Variants in CSRNP3 observed in about 807,000 individuals in gnomAD.
The protein encoded by CSRNP3 is cysteine and serine rich nuclear protein 3, also known as cysteine/serine-rich nuclear protein 3.
CSRNP3 carries 12 observed loss-of-function variants against 48.0 expected under a neutral mutation model. The ratio of observed to expected loss-of-function variants is 0.25; its 90% CI spans 0.16 to 0.41. CSRNP3 has a LOEUF of 0.41. Ranked by LOEUF, CSRNP3 falls within the 10% of genes least tolerant of loss-of-function variation. CSRNP3 has a pLI of 1.00. For synonymous variants in CSRNP3, 263 were observed against 269.7 expected, an observed-to-expected ratio of 0.98 and a Z score of 0.24; for missense variants, 580 against 724.4, an observed-to-expected ratio of 0.80 and a Z score of 2.29.
At position 165,657,797 on chromosome 2, in the gene CSRNP3, C is replaced by T. The variant is rs1317548992; in HGVS notation, c.185C>T (p.Thr62Ile). 2 of 1,614,004 alleles carry T rather than the reference C, an allele frequency of 1.2e-6. No individual in the cohort carries two copies. Among genetic ancestry groups the T allele is most frequent in the East Asian group, 4.5e-5 (2 of 44,850 alleles). Residue 62 changes from threonine (T) to isoleucine (I), a missense_variant, in exon 5 of 7, where the codon ACA (threonine) becomes ATA (isoleucine). This residue lies in a region of CSRNP3 where 83 missense variants were observed against 139.6 expected (regional missense o/e 0.59). Transcript: ENST00000651982. ...SILKREKRLR[T>I]KNVHFSCVTV... ...CTCAAAAGGGAGAAACGACTGAGGACAAAGAATGTACATTTTAGTTGTGTC... is the reference window on the plus strand; with the variant it reads ...CTCAAAAGGGAGAAACGACTGAGGATAAAGAATGTACATTTTAGTTGTGTC...
chr2:165,476,077 C>T (rs1053752261), intron 1 of CSRNP3, among the ~76,000 whole-genome samples: 8 of 152,098 alleles, frequency 5.3e-5, no homozygotes, highest in African/African-American at 1.9e-4. Context: ...ATATATTTAA[C>T]CAATCTGAGT....
At chr2:165,495,143 T>A (rs1397946628) in intron 2 of CSRNP3, among the ~76,000 whole-genome samples, 1 of 151,882 alleles carries the variant, frequency 6.6e-6, no homozygotes, top group Non-Finnish European at 1.5e-5. Flanking sequence ...CAGAAATGAG[T>A]CCAATCGGAG....
At chr2:165,649,776 A>C (rs1686874907) in intron 4 of CSRNP3, among the ~76,000 whole-genome samples, 1 of 152,328 alleles carries the variant, frequency 6.6e-6, no homozygotes, top group South Asian at 2.1e-4. Flanking sequence ...AAAAGGAAAA[A>C]AATAAGACCC....
intron 3 of CSRNP3, among the ~76,000 whole-genome samples, chr2:165,548,932 T>A (rs1263699347): frequency 2.6e-5 from 4 of 151,956 alleles, no homozygotes. Context: ...ATAAAAAGAA[T>A]TAACAATTAA....
chr2:165,485,093 G>T (rs1307793552), intron 1 of CSRNP3, among the ~76,000 whole-genome samples: 1 of 152,102 alleles, frequency 6.6e-6, no homozygotes. Context: ...ATTTCTCACA[G>T]TTCTGGAGGG....
In CSRNP3 at chr2:165,667,049, A is replaced by AAAG. The variant is rs1558968309; in HGVS notation, c.408+9029_408+9030insAAG. On this transcript the variant is annotated intron_variant, in intron 5 of 6. Transcript: ENST00000651982. The stretch of plus-strand genomic sequence containing the variant: ...GAGAGAGGAAGAAAGAAAGAGAGAG[A>AAAG]GAAAGGAAGGAAGGAAGGAAAGAGA... Among the ~76,000 whole-genome samples the AAAG allele has an allele frequency of 2.3e-3, 19 of 8,444 alleles. 5 individuals are homozygous for AAAG. The highest frequency in any genetic ancestry group is 6.8e-3 in the African/African-American group (19 of 2,806). The allele number at this position is 8,444 out of a possible 152,430, so 5.5% of individuals were successfully genotyped here. A position where few individuals can be genotyped will look rare whatever the true frequency, so the allele number is the denominator to read the frequency against.
At chr2:165,523,537 G>C (rs1370265423) in intron 3 of CSRNP3, among the ~76,000 whole-genome samples, 1 of 152,094 alleles carries the variant, frequency 6.6e-6, no homozygotes, top group Non-Finnish European at 1.5e-5. Flanking sequence ...CTTTCTAAAG[G>C]CACGGATGAC....
chr2:165,551,567 T>C (rs1212377649), intron 3 of CSRNP3, among the ~76,000 whole-genome samples: 1 of 152,202 alleles, frequency 6.6e-6, no homozygotes, highest in Admixed American at 6.5e-5. Context: ...CTGCAGATCT[T>C]GCTAATAGCT....
At chr2:165,496,815 C>A (rs1443304549) in intron 2 of CSRNP3, among the ~76,000 whole-genome samples, 1 of 151,950 alleles carries the variant, frequency 6.6e-6, no homozygotes, top group African/African-American at 2.4e-5. Flanking sequence ...ATGCTTACAA[C>A]CTCCTAGGTG....
intron 1 of CSRNP3, among the ~76,000 whole-genome samples, chr2:165,484,729 C>T (rs369327313): frequency 7.2e-5 from 11 of 152,186 alleles, no homozygotes; most frequent in South Asian, 2.1e-4. Context: ...ACATCTGAAA[C>T]GGAGTAGCAT....
At chr2:165,510,084 C>T (rs1028836451) in intron 2 of CSRNP3, among the ~76,000 whole-genome samples, 12 of 152,170 alleles carry the variant, frequency 7.9e-5, no homozygotes, top group Admixed American at 7.9e-4. Context: ...ATAATATCAG[C>T]ATAATGTATC....
intron 4 of CSRNP3, among the ~76,000 whole-genome samples, chr2:165,621,837 T>C: frequency 6.6e-6 from 1 of 152,208 alleles, no homozygotes; most frequent in Non-Finnish European, 1.5e-5. Flanking sequence ...TCCTTACCTC[T>C]TATTATTTTG....
At chr2:165,507,828 T>C (rs777414999) in intron 2 of CSRNP3, among the ~76,000 whole-genome samples, 10 of 152,158 alleles carry the variant, frequency 6.6e-5, no homozygotes, top group Non-Finnish European at 1.3e-4. Flanking sequence ...CATCTTATTG[T>C]GGCAGAAAAG....
At chr2:165,550,644 C>T (rs1685084499) in intron 3 of CSRNP3, among the ~76,000 whole-genome samples, 1 of 152,208 alleles carries the variant, frequency 6.6e-6, no homozygotes, top group South Asian at 2.1e-4. Flanking sequence ...TTTTCCAGAA[C>T]ACCATCAAGG....
Position 165,666,144 on chromosome 2 carries a change from AAG to A in CSRNP3, c.408+8131_408+8132del, listed in dbSNP as rs754209547. Reference sequence around the variant, plus strand: ...GAGAAAGGAAGGAAGGAAGGAAGGAAAGAGAGAGGAAGAAAGAGAGAGAGAGA... The same window carrying A: ...GAGAAAGGAAGGAAGGAAGGAAGGAAAGAGAGGAAGAAAGAGAGAGAGAGA... On this transcript the variant is annotated intron_variant, in intron 5 of 6. Transcript: ENST00000651982. Among the ~76,000 whole-genome samples, 25 of 100,434 alleles carry A rather than the reference AAG, an allele frequency of 2.5e-4. No individual in the cohort carries two copies. The Middle Eastern group carries it at 0.021, about 83-fold the overall frequency. The allele number at this position is 100,434 out of a possible 152,430, so 65.9% of individuals were successfully genotyped here. A position where few individuals can be genotyped will look rare whatever the true frequency, so the allele number is the denominator to read the frequency against.
intron 3 of CSRNP3, among the ~76,000 whole-genome samples, chr2:165,541,402 C>T (rs568113748): frequency 2.6e-5 from 4 of 152,108 alleles, no homozygotes; most frequent in Non-Finnish European, 4.4e-5. Flanking sequence ...CTACAGAGGT[C>T]GTCCCATAGG....
In CSRNP3 at chr2:165,648,424, A is replaced by G. The variant is rs984176645; in HGVS notation, c.149-9337A>G. Among the ~76,000 whole-genome samples, 4 of 152,176 alleles carry G rather than the reference A, an allele frequency of 2.6e-5. No homozygotes were observed. The South Asian group carries it at 6.2e-4, about 24-fold the overall frequency. On this transcript the variant is annotated intron_variant, in intron 4 of 6. Coordinates refer to ENST00000651982, the MANE Select transcript of CSRNP3 (RefSeq NM_001172173.2). The stretch of plus-strand genomic sequence containing the variant: ...ATTTTCAGTGGGTTGTTAGTTCTAC[A>G]TAAGCAGGAGGATCAGTGCTAAGTC...
intron 3 of CSRNP3, among the ~76,000 whole-genome samples, chr2:165,557,218 G>A (rs1685170995): frequency 6.6e-6 from 1 of 152,252 alleles, no homozygotes; most frequent in Non-Finnish European, 1.5e-5. Context: ...AAATTTTAAT[G>A]TCTACATATA....
At chr2:165,600,650 A>G (rs4375882) in intron 4 of CSRNP3, among the ~76,000 whole-genome samples, 121,855 of 151,844 alleles carry the variant, frequency 0.8, 49,023 homozygotes, top group Non-Finnish European at 0.83. Flanking sequence ...ATGGTATCTC[A>G]CTGTGATTTT....
Sources: gnomAD v4.1 joint callset for allele counts (sites outside exome capture counted in the v4.1 genomes callset) on GRCh38, gnomAD v4.1.1 for gene constraint, gnomAD v4.1.1 regional missense constraint, MANE v1.5 for transcripts, NCBI Gene and HGNC (gene_info 2026-07-23, HGNC 2026-07-21) for gene names.